The following SGMS1 variants were observed in gnomAD, a reference collection of about 807,000 sequenced individuals.
The protein encoded by SGMS1 is sphingomyelin synthase 1.
A neutral mutation model predicts 46.2 loss-of-function variants in SGMS1; 13 were observed. The observed-to-expected ratio is 0.28, with a 90% CI of 0.18 to 0.45. The LOEUF (loss-of-function observed/expected upper bound fraction) is 0.45, where lower values mean the gene tolerates loss of function less well. Ranked by LOEUF, SGMS1 falls within the 20% of genes least tolerant of loss-of-function variation. SGMS1 has a pLI of 1.00. For synonymous variants in SGMS1, 203 were observed against 187.8 expected (o/e 1.08, Z -0.66); for missense variants, 324 against 519.9 (o/e 0.62, Z 3.66).
intron 3 of SGMS1, among the ~76,000 whole-genome samples, chr10:50,497,420 C>T (rs1837624138): frequency 6.6e-6 from 1 of 152,182 alleles, no homozygotes; most frequent in African/African-American, 2.4e-5. Context: ...AGTGTTCTAT[C>T]ATATTAAACT....
intron 2 of SGMS1, among the ~76,000 whole-genome samples, chr10:50,527,789 G>A (rs1327334210): frequency 1.3e-5 from 2 of 152,186 alleles, no homozygotes; most frequent in Non-Finnish European, 2.9e-5. Flanking sequence ...TCACCTTGAA[G>A]AGCCATCTTC....
chr10:50,597,779 G>A lies in SGMS1; in HGVS notation c.-683-7532C>T, dbSNP rs911312648. Among the ~76,000 whole-genome samples the A allele has an allele frequency of 6.6e-5, 10 of 152,082 alleles. No homozygotes were observed. The South Asian group carries it at 1.7e-3, about 25-fold the overall frequency. On this transcript the variant is annotated intron_variant, in intron 1 of 10. Transcript: ENST00000361781. ...TGTAATCCCAGCACTTTGGGAGGCCGAGGCAGGTGGATCACCTGAGGTTGG... is the reference window on the plus strand; with the variant it reads ...TGTAATCCCAGCACTTTGGGAGGCCAAGGCAGGTGGATCACCTGAGGTTGG...
intron 6 of SGMS1, among the ~76,000 whole-genome samples, chr10:50,409,534 C>T (rs1849068519): frequency 6.6e-6 from 1 of 152,212 alleles, no homozygotes; most frequent in Admixed American, 6.5e-5. Flanking sequence ...GACAGACATT[C>T]CCTTTGAAGT....
chr10:50,411,081 C>T (rs1849091591), intron 6 of SGMS1, among the ~76,000 whole-genome samples: 1 of 152,072 alleles, frequency 6.6e-6, no homozygotes, highest in African/African-American at 2.4e-5. Flanking sequence ...TACCTGAGGG[C>T]CCTCATGTAT....
intron 3 of SGMS1, among the ~76,000 whole-genome samples, chr10:50,511,776 C>T (rs1037154585): frequency 6.6e-6 from 1 of 152,142 alleles, no homozygotes; most frequent in African/African-American, 2.4e-5. Flanking sequence ...GCTTTTGGCT[C>T]TGGCATGACC....
Position 50,444,176 on chromosome 10 carries a change from A to G in SGMS1, c.-312-10620T>C, listed in dbSNP as rs113962433. ...GTAAATAGACTAAACATTTAATTAA[A>G]AGGCAGAAATCACCAGAATACATTA... On this transcript the variant is annotated intron_variant, in intron 5 of 10. Transcript: ENST00000361781. Among the ~76,000 whole-genome samples, 1,473 of 152,284 alleles carry G rather than the reference A, an allele frequency of 9.7e-3. 20 individuals are homozygous for G. Among genetic ancestry groups the G allele is most frequent in the African/African-American group, 0.032 (1,338 of 41,560 alleles).
Position 50,596,987 on chromosome 10 carries a change from C to T in SGMS1, c.-683-6740G>A, listed in dbSNP as rs540936448. 5.9e-5 allele frequency among the ~76,000 whole-genome samples: 9 copies of T among 152,186 alleles called. No homozygotes were observed. In the South Asian group the frequency reaches 1.0e-3, roughly 18 times the overall value. On this transcript the variant is annotated intron_variant, in intron 1 of 10. Coordinates refer to ENST00000361781, the MANE Select transcript of SGMS1 (RefSeq NM_147156.4). ...GAACATGGGGTCTTTATTTTCTCCACCACAAAAATAAAAAGCACTACTAAT... is the reference window on the plus strand; with the variant it reads ...GAACATGGGGTCTTTATTTTCTCCATCACAAAAATAAAAAGCACTACTAAT...
intron 3 of SGMS1, among the ~76,000 whole-genome samples, chr10:50,478,941 T>G (rs538396471): frequency 2.6e-5 from 4 of 152,028 alleles, no homozygotes; most frequent in South Asian, 4.2e-4. Flanking sequence ...ATCAGTAAGA[T>G]CAGTCCCCTC....
chr10:50,388,893 A>G (rs554060817), intron 6 of SGMS1, among the ~76,000 whole-genome samples: 31 of 152,234 alleles, frequency 2.0e-4, no homozygotes, highest in Non-Finnish European at 3.7e-4. Context: ...GATGTCATCT[A>G]GCAACCGGCA....
rs1837827618 is a variant in SGMS1, at chr10:50,518,316, A to G, written c.-498+1515T>C. The stretch of plus-strand genomic sequence containing the variant: ...TAGAAGAACAGAAATACAAGTTATA[A>G]TTTCCAAATCAGCAGAGAAAGAAAA... On this transcript the variant is annotated intron_variant, in intron 3 of 10. Coordinates refer to ENST00000361781, the MANE Select transcript of SGMS1 (RefSeq NM_147156.4). 3.9e-5 allele frequency among the ~76,000 whole-genome samples: 6 copies of G among 152,356 alleles called. No homozygotes were observed. The South Asian group carries it at 1.2e-3, about 32-fold the overall frequency.
At chr10:50,588,755 G>GGTCCCACTCTGTCCCACTCT (rs1838511142) in intron 2 of SGMS1, among the ~76,000 whole-genome samples, 1 of 132,156 alleles carries the variant, frequency 7.6e-6, no homozygotes, top group African/African-American at 2.8e-5. Context: ...TTTGAGACAG[G>GGTCCCACTCTGTCCCACTCT]GTCCCACTCT....
intron 3 of SGMS1, among the ~76,000 whole-genome samples, chr10:50,487,178 G>A (rs1439659820): frequency 6.6e-6 from 1 of 152,158 alleles, no homozygotes; most frequent in East Asian, 1.9e-4. Context: ...GTGGAAGGAG[G>A]GAGAGGGACA....
intron 3 of SGMS1, among the ~76,000 whole-genome samples, chr10:50,500,936 T>G (rs1173717822): frequency 6.6e-6 from 1 of 152,246 alleles, no homozygotes; most frequent in Non-Finnish European, 1.5e-5. Flanking sequence ...GCATGTAATC[T>G]TAAATATTTC....
intron 6 of SGMS1, among the ~76,000 whole-genome samples, chr10:50,388,888 C>T (rs1848724493): frequency 6.6e-6 from 1 of 152,134 alleles, no homozygotes; most frequent in African/African-American, 2.4e-5. Context: ...TTTTGGATGT[C>T]ATCTAGCAAC....
At chr10:50,470,425 T>G (rs1332977495) in intron 3 of SGMS1, among the ~76,000 whole-genome samples, 1 of 151,812 alleles carries the variant, frequency 6.6e-6, no homozygotes, top group Non-Finnish European at 1.5e-5. Flanking sequence ...AACTGAACCT[T>G]TTCTTCCTTT....
chr10:50,608,511 C>T (rs753834189), intron 1 of SGMS1, among the ~76,000 whole-genome samples: 2 of 152,192 alleles, frequency 1.3e-5, no homozygotes, highest in Non-Finnish European at 2.9e-5. Context: ...AGTGCCCACT[C>T]CTCAAACACT....
chr10:50,379,378 T>C (rs992938919), intron 6 of SGMS1, among the ~76,000 whole-genome samples: 3 of 152,176 alleles, frequency 2.0e-5, no homozygotes, highest in African/African-American at 4.8e-5. Flanking sequence ...ATCTGTGACG[T>C]AGAAATACAT....
intron 6 of SGMS1, among the ~76,000 whole-genome samples, chr10:50,364,584 T>C (rs1015599132): frequency 1.1e-4 from 17 of 152,316 alleles, no homozygotes; most frequent in African/African-American, 3.6e-4. Context: ...TATCCAAAAG[T>C]AGAGTTTTGA....
intron 3 of SGMS1, among the ~76,000 whole-genome samples, chr10:50,474,594 T>A (rs535328431): frequency 6.6e-6 from 1 of 152,332 alleles, no homozygotes; most frequent in South Asian, 2.1e-4. Flanking sequence ...CTATAAAAAT[T>A]CTTAAGATGA....
Sources: gnomAD v4.1 joint callset for allele counts (sites outside exome capture counted in the v4.1 genomes callset) on GRCh38, gnomAD v4.1.1 for gene constraint, MANE v1.5 for transcripts, NCBI Gene and HGNC (gene_info 2026-07-23, HGNC 2026-07-21) for gene names.